PRKCH: variants seen among roughly 807,000 people sequenced by gnomAD.
PRKCH encodes protein kinase C eta.
A neutral mutation model predicts 82.5 loss-of-function variants in PRKCH; 28 were observed. The observed-to-expected ratio is 0.34, with a 90% CI of 0.25 to 0.47. The LOEUF (loss-of-function observed/expected upper bound fraction) is 0.47. Among genes scored for constraint, PRKCH ranks in the 20% least tolerant of loss-of-function variants. PRKCH has a pLI of 1.00. For missense variants in PRKCH, 705 were observed against 881.8 expected (o/e 0.80, Z 2.54); for synonymous variants, 322 against 327.4 (o/e 0.98, Z 0.18).
rs749993954 is a variant in PRKCH at position 61,280,434 on chromosome 14, G to A, written c.-19+92766G>A. On this transcript the variant is annotated intron_variant, in intron 1 of 3. Coordinates refer to the PRKCH transcript ENST00000555185. This position sits in a 1 kb window ranked among gnomAD's most constrained non-coding sequence, Gnocchi z 5.0. ...TGATGAAGCCGGTGTTGTTGGGGTCGGGGCTGAGCTCGTAGACTGGCCGGC... is the reference window on the plus strand; with the variant it reads ...TGATGAAGCCGGTGTTGTTGGGGTCAGGGCTGAGCTCGTAGACTGGCCGGC... 4.3e-6 allele frequency: 7 copies of A among 1,613,884 alleles called. No individual in the cohort carries two copies. The highest frequency in any genetic ancestry group is 4.5e-5 in the East Asian group (2 of 44,880).
intron 1 of PRKCH, chr14:61,305,949 T>C (rs2045482552): frequency 6.6e-6 from 1 of 152,258 alleles, no homozygotes; most frequent in Admixed American, 6.5e-5. Flanking sequence ...GTCTGGATTA[T>C]GTTATCTTCT....
chr14:61,448,210 A>G (rs1436847412), intron 4 of PRKCH, among the ~76,000 whole-genome samples: 1 of 152,296 alleles, frequency 6.6e-6, no homozygotes, highest in East Asian at 1.9e-4. Context: ...GTATGATGCT[A>G]TTTACTGACA....
At chr14:61,431,587 T>C (rs1397896913) in intron 2 of PRKCH, among the ~76,000 whole-genome samples, 1 of 30,176 alleles carries the variant, frequency 3.3e-5, no homozygotes, top group African/African-American at 5.8e-5. Context: ...GCCATTTGGA[T>C]TTTTTTTTCT....
chr14:61,449,105 G>A, intron 4 of PRKCH, 59 bp from the exon 5 acceptor site: 2 of 1,520,510 alleles, frequency 1.3e-6, no homozygotes, highest in Admixed American at 1.7e-5. Flanking sequence ...TGACTCTGCT[G>A]TAACTGGCTG....
At chr14:61,395,439 C>G (rs943516887) in intron 2 of PRKCH, among the ~76,000 whole-genome samples, 1 of 151,994 alleles carries the variant, frequency 6.6e-6, no homozygotes, top group Admixed American at 6.5e-5. Context: ...ATTTGGAGCT[C>G]TAGTTCCCAT....
intron 1 of PRKCH, among the ~76,000 whole-genome samples, chr14:61,368,151 C>G: frequency 6.6e-6 from 1 of 152,056 alleles, no homozygotes; most frequent in Middle Eastern, 3.4e-3. Flanking sequence ...GATTCCCAGC[C>G]GGCTGCTAAG....
At chr14:61,496,469 C>A (rs1217220800) in intron 10 of PRKCH, among the ~76,000 whole-genome samples, 2 of 152,176 alleles carry the variant, frequency 1.3e-5, no homozygotes, top group Non-Finnish European at 2.9e-5. Context: ...AATGCTCCCC[C>A]ATCTCTTTGC....
rs746794408 is a variant in PRKCH, at chr14:61,286,468, G to C, written c.-19+98800G>C. Among the ~76,000 whole-genome samples the C allele has an allele frequency of 1.3e-3, 193 of 152,308 alleles. 1 individual carries two copies. The highest frequency in any genetic ancestry group is 2.2e-3 in the Non-Finnish European group (152 of 68,020). On this transcript the variant is annotated intron_variant, in intron 1 of 3. Transcript: ENST00000555185. ...CCCTGCCACGGTGTGTTGGTTCTTT[G>C]TCACTAACTTACTGCAAAACAGTGG... is the stretch of plus-strand genomic sequence containing the variant.
At chr14:61,445,547 G>T in intron 3 of PRKCH, 145 bp from the exon 4 acceptor site, 1 of 749,664 alleles carries the variant, frequency 1.3e-6, no homozygotes. Flanking sequence ...AACAAACAAT[G>T]GCTCAGAAAG....
intron 1 of PRKCH, among the ~76,000 whole-genome samples, chr14:61,370,009 G>A (rs547677323): frequency 1.8e-4 from 28 of 151,974 alleles, no homozygotes; most frequent in Middle Eastern, 3.4e-3. Flanking sequence ...ACCCAGGTTG[G>A]AGTGCAGTGG....
rs138960496 is a variant in PRKCH at position 61,334,030 on chromosome 14, T to C, written c.363+11566T>C. 3.7e-3 allele frequency among the ~76,000 whole-genome samples: 561 copies of C among 152,162 alleles called. 2 individuals carry two copies. Among genetic ancestry groups the C allele is most frequent in the Admixed American group, 9.2e-3 (140 of 15,292 alleles). On this transcript the variant is annotated intron_variant, in intron 1 of 13. Transcript: ENST00000332981. ...TCAGCATCTTACAGACAACCCGATG[T>C]TGGTGGAAACTGAGCTGAATGGAGA...
At chr14:61,319,685 G>C (rs576871104), upstream of PRKCH, among the ~76,000 whole-genome samples, 2 of 152,314 alleles carry the variant, frequency 1.3e-5, no homozygotes, top group South Asian at 4.1e-4. Context: ...GAGTTCAGCT[G>C]TTTGGAGGAA....
intron 1 of PRKCH, among the ~76,000 whole-genome samples, chr14:61,264,192 AGTCTT>A (rs1406037710): frequency 6.6e-6 from 1 of 152,138 alleles, no homozygotes; most frequent in Non-Finnish European, 1.5e-5. Context: ...ATTGTGTGGC[AGTCTT>A]GTCTGTTAAG....
chr14:61,397,847 C>CG (rs2046809226), intron 2 of PRKCH, among the ~76,000 whole-genome samples: 1 of 152,042 alleles, frequency 6.6e-6, no homozygotes, highest in South Asian at 2.1e-4. Context: ...ATGCCTAATG[C>CG]GGGGGTAAAA....
intron 9 of PRKCH, 103 bp downstream of exon 9, chr14:61,457,782 G>A: frequency 6.8e-7 from 1 of 1,479,342 alleles, no homozygotes; most frequent in Non-Finnish European, 9.2e-7. Context: ...GAAATTTTGG[G>A]GGATGGGCTC....
At chr14:61,331,882 G>A (rs543704107) in intron 1 of PRKCH, among the ~76,000 whole-genome samples, 33 of 152,352 alleles carry the variant, frequency 2.2e-4, no homozygotes, top group African/African-American at 7.5e-4. Context: ...GCTTAGAGTT[G>A]GAGAGGATTT....
chr14:61,489,113 A>G (rs1407868626), intron 10 of PRKCH, among the ~76,000 whole-genome samples: 1 of 152,200 alleles, frequency 6.6e-6, no homozygotes, highest in African/African-American at 2.4e-5. Flanking sequence ...TAAAGGGCAC[A>G]TTTGGGTCAC....
intron 1 of PRKCH, among the ~76,000 whole-genome samples, chr14:61,200,043 C>T (rs1204240908): frequency 2.0e-5 from 3 of 152,132 alleles, no homozygotes; most frequent in African/African-American, 7.2e-5. Flanking sequence ...TATCGTATCC[C>T]TTTAAATGTA....
upstream of PRKCH, among the ~76,000 whole-genome samples, chr14:61,319,893 C>T (rs950358803): frequency 6.6e-6 from 1 of 152,368 alleles, no homozygotes; most frequent in Non-Finnish European, 1.5e-5. Context: ...CCTTTCCCCC[C>T]TGGCCCATTG....
Sources: allele counts gnomAD v4.1 joint callset (sites outside exome capture counted in the v4.1 genomes callset), GRCh38; gene constraint gnomAD v4.1.1; non-coding constraint Gnocchi (gnomAD v3.1); transcripts MANE v1.5; gene names NCBI Gene and HGNC (gene_info 2026-07-23, HGNC 2026-07-21).